LCN6: variants seen among roughly 807,000 people sequenced by gnomAD.
LCN6 encodes the protein epididymal-specific lipocalin-6.
A neutral mutation model predicts 21.4 loss-of-function variants in LCN6; 20 were observed. That is an observed-to-expected ratio of 0.93 (90% CI 0.66 to 1.36). The LOEUF is 1.36. LCN6 is among the 40% of genes most tolerant of loss of function. LCN6 has a pLI of 0.00. For synonymous variants in LCN6, 96 were observed against 89.0 expected (o/e 1.08, Z -0.44); for missense variants, 217 against 206.6 (o/e 1.05, Z -0.31).
rs757745023 is a variant in LCN6, at chr9:136,744,768, G to A, written c.413-27C>T. Reference sequence around the variant, plus strand: ...TGGGGGCACCAGGGCAGTGCAGGGGGAAGCAACCTCTGAGAGCTGGGGAGG... The same window carrying A: ...TGGGGGCACCAGGGCAGTGCAGGGGAAAGCAACCTCTGAGAGCTGGGGAGG... On this transcript the variant is annotated intron_variant, in intron 4 of 6. Transcript: ENST00000341206. This position sits in a 1 kb window ranked among gnomAD's most constrained non-coding sequence, Gnocchi z 4.2. 4 of 1,427,576 alleles carry A rather than the reference G, an allele frequency of 2.8e-6. No homozygotes were observed. The highest frequency in any genetic ancestry group is 2.3e-5 in the South Asian group (2 of 86,118). 88.4% of individuals were successfully genotyped at this position (1,427,576 alleles called of 1,614,324 possible).
chr9:136,748,521 GC>G lies in LCN6; in HGVS notation c.-39del. ...ACACTGCGCCGCAGGCCCAGGATGTGCAGTCCCTCCAGGCCCTGGAGACCCG... is the reference window on the plus strand; with the variant it reads ...ACACTGCGCCGCAGGCCCAGGATGTGAGTCCCTCCAGGCCCTGGAGACCCG... On this transcript the variant is annotated 5_prime_UTR_variant, in exon 1 of 7. Coordinates refer to ENST00000341206, the MANE Select transcript of LCN6 (RefSeq NM_198946.3). The G allele has an allele frequency of 6.3e-7, 1 of 1,592,452 alleles. No individual in the cohort carries two copies. Among genetic ancestry groups the G allele is most frequent in the African/African-American group, 1.3e-5 (1 of 74,576 alleles).
chr9:136,746,081 C>T (rs1275195524), intron 2 of LCN6, 167 bp from the exon 3 acceptor site: 9 of 626,400 alleles, frequency 1.4e-5, no homozygotes, highest in East Asian at 5.4e-5. Flanking sequence ...GAGTGGACGG[C>T]GTGGGAGTCC....
Position 136,747,698 on chromosome 9 carries a change from C to T in LCN6, c.91-135G>A, listed in dbSNP as rs1344622958. ...ACCCTCCAACCATCCAGCCCTCCAG[C>T]CTCCAGCCTCCAACCCTCCAGCCTC... On this transcript the variant is annotated intron_variant, in intron 1 of 6. Coordinates refer to ENST00000341206, the MANE Select transcript of LCN6 (RefSeq NM_198946.3). 1.5e-5 allele frequency: 17 copies of T among 1,133,454 alleles called. 1 individual carries two copies. In the African/African-American group the frequency reaches 2.8e-4, roughly 18 times the overall value. 70.2% of individuals were successfully genotyped at this position (1,133,454 alleles called of 1,614,324 possible). A position where few individuals can be genotyped will look rare whatever the true frequency, so the allele number is the denominator to read the frequency against.
chr9:136,745,581 C>CA, intron 3 of LCN6: 1 of 592,304 alleles, frequency 1.7e-6, no homozygotes, highest in South Asian at 2.0e-5. Context: ...TACCTGTAGA[C>CA]AGCCACTAAA....
intron 2 of LCN6, among the ~76,000 whole-genome samples, chr9:136,746,267 TG>T (rs1487357000): frequency 5.9e-5 from 1 of 16,868 alleles, no homozygotes; most frequent in East Asian, 2.2e-3. Context: ...AGGGGAAGGA[TG>T]GGGCGGGGTG....
Position 136,744,785 on chromosome 9 carries a change from C to A in LCN6, c.413-44G>T, listed in dbSNP as rs755586865. On this transcript the variant is annotated intron_variant, in intron 4 of 6. Transcript: ENST00000341206. The surrounding 1 kb of genome is among the most constrained non-coding windows in gnomAD (Gnocchi z 4.2). ...TGCAGGGGGAAGCAACCTCTGAGAG[C>A]TGGGGAGGGGCCGGGGAGGGGCTGG... 9.9e-7 allele frequency: 1 copy of A among 1,014,798 alleles called. No homozygotes were observed. The highest frequency in any genetic ancestry group is 1.6e-5 in the African/African-American group (1 of 63,262). 62.9% of individuals were successfully genotyped at this position (1,014,798 alleles called of 1,614,324 possible).
At chr9:136,748,361 G>A (rs775947347) in intron 1 of LCN6, 33 bp downstream of exon 1, 5 of 1,581,734 alleles carry the variant, frequency 3.2e-6, no homozygotes, top group Admixed American at 1.7e-5. Flanking sequence ...GGCCCCCGAG[G>A]ACCAGCTCTC....
In LCN6 at chr9:136,745,853, C is replaced by G. The variant is rs141785937; in HGVS notation, c.292G>C (p.Glu98Gln). 2.5e-6 allele frequency: 4 copies of G among 1,613,608 alleles called. No homozygotes were observed. In the South Asian group the frequency reaches 3.3e-5, roughly 13 times the overall value. Residue 98 changes from glutamate to glutamine, a missense_variant, in exon 3 of 7, where the codon GAG (glutamate) becomes CAG (glutamine). Coordinates refer to ENST00000341206, the MANE Select transcript of LCN6 (RefSeq NM_198946.3). ...LIKRNSGWVF[E>Q]NPSIGVLELW... The stretch of plus-strand genomic sequence containing the variant: ...TGGCCGTCAGACTCACAGGGATTCT[C>G]AAACACCCATCCGGAGTTTCGCTTT...
intron 2 of LCN6, among the ~76,000 whole-genome samples, chr9:136,746,468 C>T (rs1847040277): frequency 6.6e-6 from 1 of 152,128 alleles, no homozygotes; most frequent in Non-Finnish European, 1.5e-5. Flanking sequence ...GTGAGCAAAA[C>T]CCAGCAAAGG....
Position 136,745,177 on chromosome 9 carries a change from C to T in LCN6, c.405G>A (p.Glu135=), listed in dbSNP as rs980160784. 1 of 1,608,424 alleles carries T rather than the reference C, an allele frequency of 6.2e-7. No individual in the cohort carries two copies. Among genetic ancestry groups the T allele is most frequent in the Non-Finnish European group, 8.5e-7 (1 of 1,175,228 alleles). Residue 135 remains glutamate (E), a synonymous_variant, in exon 4 of 7, where the codon GAG becomes GAA. Coordinates refer to ENST00000341206, the MANE Select transcript of LCN6 (RefSeq NM_198946.3). ...EFGDEPFNTV[E]LYSLTETASQ... Reference sequence around the variant, plus strand: ...CCCGCACAGCACACTTACTGTACAGCTCCACGGTGTTGAAGGGCTCGTCCC... The same window carrying T: ...CCCGCACAGCACACTTACTGTACAGTTCCACGGTGTTGAAGGGCTCGTCCC...
At chr9:136,745,579 G>C (rs1847026734) in intron 3 of LCN6, 2 of 592,492 alleles carry the variant, frequency 3.4e-6, no homozygotes, top group Non-Finnish European at 6.0e-6. Context: ...TGTACCTGTA[G>C]ACAGCCACTA....
At chr9:136,747,807 C>T (rs554367215) in intron 1 of LCN6, among the ~76,000 whole-genome samples, 88 of 115,394 alleles carry the variant, frequency 7.6e-4, no homozygotes, top group African/African-American at 1.4e-3. Flanking sequence ...TCCCGCCCTC[C>T]AGCCTCCAAC....
At chr9:136,746,451 C>T (rs1050438162) in intron 2 of LCN6, among the ~76,000 whole-genome samples, 3 of 152,080 alleles carry the variant, frequency 2.0e-5, no homozygotes, top group Non-Finnish European at 4.4e-5. Flanking sequence ...AGTGGTCAGT[C>T]CCCAGAGTGA....
In LCN6 at chr9:136,745,953, A is replaced by G. The variant is rs1041231304; in HGVS notation, c.231-39T>C. The G allele has an allele frequency of 5.7e-6, 9 of 1,588,722 alleles. No individual in the cohort carries two copies. In the Admixed American group the frequency reaches 8.3e-5, roughly 15 times the overall value. ...GGCCTGTCACCCACTCAGGGTCAAG[A>G]CCCCGGGGCCCGGTGAGAGGAGACG... On this transcript the variant is annotated intron_variant, in intron 2 of 6. Coordinates refer to ENST00000341206, the MANE Select transcript of LCN6 (RefSeq NM_198946.3).
Position 136,744,755 on chromosome 9 carries a change from G to C in LCN6, c.413-14C>G. 6.3e-7 allele frequency: 1 copy of C among 1,598,646 alleles called. No individual in the cohort carries two copies. The highest frequency in any genetic ancestry group is 8.5e-7 in the Non-Finnish European group (1 of 1,170,146). ...TCTCCGTCAGACCTGGGGGCACCAG[G>C]GCAGTGCAGGGGGAAGCAACCTCTG... On this transcript the variant is annotated splice_polypyrimidine_tract_variant and intron_variant, in intron 4 of 6. Coordinates refer to ENST00000341206, the MANE Select transcript of LCN6 (RefSeq NM_198946.3). The surrounding 1 kb of genome is among the most constrained non-coding windows in gnomAD (Gnocchi z 4.2).
At position 136,745,858 on chromosome 9, in the gene LCN6, A is replaced by G. The variant is rs1847029947; in HGVS notation, c.287T>C (p.Val96Ala). The change falls in exon 3 of 7, where the codon GTG (valine) becomes GCG (alanine). Residue 96 changes from valine (V) to alanine (A), a missense_variant. By Grantham distance (64) the Val-to-Ala change is moderately conservative (BLOSUM62 0). Transcript: ENST00000341206. ...GTCAGACTCACAGGGATTCTCAAAC[A>G]CCCATCCGGAGTTTCGCTTTATCAG... ...MDLIKRNSGW[V>A]FENPSIGVLE... The G allele has an allele frequency of 1.2e-6, 2 of 1,612,618 alleles. No individual in the cohort carries two copies. Among genetic ancestry groups the G allele is most frequent in the Admixed American group, 1.7e-5 (1 of 59,934 alleles).
intron 2 of LCN6, among the ~76,000 whole-genome samples, chr9:136,746,376 CAG>C (rs1847038801): frequency 3.4e-5 from 1 of 29,314 alleles, no homozygotes; most frequent in African/African-American, 1.5e-4. Flanking sequence ...GCCTGCGACT[CAG>C]GGGAAGGATG....
rs1193966045 is a variant in LCN6, at chr9:136,744,950, ACATGGC to A, written c.412+214_413-210del. 6.6e-6 allele frequency among the ~76,000 whole-genome samples: 1 copy of A among 150,486 alleles called. No homozygotes were observed. The highest frequency in any genetic ancestry group is 1.5e-5 in the Non-Finnish European group (1 of 67,600). On this transcript the variant is annotated intron_variant, in intron 4 of 6. Transcript: ENST00000341206. This position sits in a 1 kb window ranked among gnomAD's most constrained non-coding sequence, Gnocchi z 4.2. ...CGGCCCACCCACCACACAGCTCCCCACATGGCCCCCGAGCGGCCCACTCACCACACA... is the reference window on the plus strand; with the variant it reads ...CGGCCCACCCACCACACAGCTCCCCACCCCGAGCGGCCCACTCACCACACA...
rs1449696895 is a variant in LCN6, at chr9:136,744,913, T to C, written c.413-172A>G. ...TCAAGGTGGGGGAACTTGGCCTGCA[T>C]GTGGTCCTGTGCGGCCCACCCACCA... On this transcript the variant is annotated intron_variant, in intron 4 of 6. Coordinates refer to ENST00000341206, the MANE Select transcript of LCN6 (RefSeq NM_198946.3). This position sits in a 1 kb window ranked among gnomAD's most constrained non-coding sequence, Gnocchi z 4.2. 6.6e-6 allele frequency among the ~76,000 whole-genome samples: 1 copy of C among 152,026 alleles called. No individual in the cohort carries two copies. The highest frequency in any genetic ancestry group is 1.5e-5 in the Non-Finnish European group (1 of 67,984).
Sources: allele counts gnomAD v4.1 joint callset (sites outside exome capture counted in the v4.1 genomes callset), GRCh38; gene constraint gnomAD v4.1.1; non-coding constraint Gnocchi (gnomAD v3.1); transcripts MANE v1.5; gene names NCBI Gene and HGNC (gene_info 2026-07-23, HGNC 2026-07-21).